GNG2: variants seen among roughly 807,000 people sequenced by gnomAD.
GNG2 encodes G protein subunit gamma 2.
In GNG2, 5 loss-of-function variants were observed where a neutral mutation model predicts 5.5. The observed-to-expected ratio is 0.91, with a 90% CI of 0.48 to 1.92. GNG2 has a LOEUF of 1.92. GNG2 is among the 30% of genes most tolerant of loss of function. The pLI, the probability that GNG2 is intolerant of heterozygous loss-of-function variation, is 0.01. For synonymous variants in GNG2, 28 were observed against 32.0 expected, an observed-to-expected ratio of 0.88 and a Z score of 0.42; for missense variants, 55 against 88.4, an observed-to-expected ratio of 0.62 and a Z score of 1.52.
At chr14:51,933,022 C>T (rs1469110136) in intron 2 of GNG2, among the ~76,000 whole-genome samples, 1 of 152,136 alleles carries the variant, frequency 6.6e-6, no homozygotes, top group African/African-American at 2.4e-5. Context: ...GGCCAGAAGT[C>T]AAAGAATGCC....
chr14:51,919,402 C>T (rs1471156756), intron 2 of GNG2, among the ~76,000 whole-genome samples: 1 of 152,196 alleles, frequency 6.6e-6, no homozygotes, highest in Non-Finnish European at 1.5e-5. Context: ...TTAAACATAG[C>T]TCTTTACATA....
rs147812952 is a variant in GNG2, at chr14:51,902,556, G to A, written c.-30+24899G>A. 4.5e-4 allele frequency among the ~76,000 whole-genome samples: 69 copies of A among 152,112 alleles called. 2 individuals are homozygous for A. The Middle Eastern group carries it at 0.02, about 45-fold the overall frequency. On this transcript the variant is annotated intron_variant, in intron 2 of 3. Coordinates refer to ENST00000556766, the MANE Select transcript of GNG2 (RefSeq NM_053064.5). ...CACCAGTAATTAAGTAAATGCAAAC[G>A]AAAACAAAAATGAGATATAGTCATA...
intron 3 of GNG2, among the ~76,000 whole-genome samples, chr14:51,958,018 A>C (rs1239206384): frequency 6.6e-6 from 1 of 152,198 alleles, no homozygotes; most frequent in Non-Finnish European, 1.5e-5. Context: ...AGATTTCTCC[A>C]CACAAACCTA....
chr14:51,944,478 A>G (rs529608264), intron 2 of GNG2, among the ~76,000 whole-genome samples: 4 of 152,162 alleles, frequency 2.6e-5, no homozygotes, highest in Non-Finnish European at 4.4e-5. Context: ...ACCTCCAAAT[A>G]CCATTATATT....
At chr14:51,908,613 A>C (rs961251933) in intron 2 of GNG2, among the ~76,000 whole-genome samples, 1 of 152,026 alleles carries the variant, frequency 6.6e-6, no homozygotes, top group African/African-American at 2.4e-5. Flanking sequence ...TCTGTCACCC[A>C]GGCTGGAGGG....
At chr14:51,952,066 G>A (rs961150399) in intron 3 of GNG2, 4 of 604,164 alleles carry the variant, frequency 6.6e-6, no homozygotes, top group Admixed American at 6.0e-5. Context: ...AGTTCATTCC[G>A]ATGTATAGCC....
At chr14:51,904,897 GCC>G (rs1351716779) in intron 2 of GNG2, among the ~76,000 whole-genome samples, 3 of 152,226 alleles carry the variant, frequency 2.0e-5, no homozygotes, top group Non-Finnish European at 4.4e-5. Context: ...CGCTACGTCT[GCC>G]TGATTGCCCA....
intron 2 of GNG2, among the ~76,000 whole-genome samples, chr14:51,904,240 A>G (rs1406399184): frequency 6.6e-6 from 1 of 152,156 alleles, no homozygotes; most frequent in Non-Finnish European, 1.5e-5. Flanking sequence ...AGTAGCTGCC[A>G]TCACACCCAC....
chr14:51,896,307 A>G (rs1885189899), intron 2 of GNG2, among the ~76,000 whole-genome samples: 1 of 152,224 alleles, frequency 6.6e-6, no homozygotes, highest in African/African-American at 2.4e-5. Flanking sequence ...TTTATAACAC[A>G]TTATTTCATT....
chr14:51,845,005 G>A (rs553805412), intron 2 of GNG2, among the ~76,000 whole-genome samples: 57 of 151,870 alleles, frequency 3.8e-4, no homozygotes, highest in East Asian at 3.3e-3. Context: ...GATTACAGGC[G>A]TTAGCCACCA....
chr14:51,881,697 A>G (rs1427823228), intron 2 of GNG2, among the ~76,000 whole-genome samples: 3 of 138,642 alleles, frequency 2.2e-5, no homozygotes, highest in Non-Finnish European at 4.6e-5. Flanking sequence ...TAGGAGCTGG[A>G]AGACTTTTTT....
At chr14:51,875,840 C>A (rs1165129330) in intron 1 of GNG2, among the ~76,000 whole-genome samples, 1 of 150,740 alleles carries the variant, frequency 6.6e-6, no homozygotes, top group African/African-American at 2.4e-5. Flanking sequence ...AATAAAATAA[C>A]CTTATTTTAA....
chr14:51,856,007 T>C (rs184069316), upstream of GNG2, among the ~76,000 whole-genome samples: 9 of 152,118 alleles, frequency 5.9e-5, no homozygotes, highest in African/African-American at 2.2e-4. Flanking sequence ...ATGCCATCTG[T>C]ACAAAAAATA....
chr14:51,928,301 A>G (rs1247599300), intron 2 of GNG2, among the ~76,000 whole-genome samples: 1 of 152,046 alleles, frequency 6.6e-6, no homozygotes, highest in Non-Finnish European at 1.5e-5. Context: ...AGTGCTGGAA[A>G]TTACAGGCGC....
chr14:51,953,008 C>A (rs560408987), intron 3 of GNG2, among the ~76,000 whole-genome samples: 6 of 152,242 alleles, frequency 3.9e-5, no homozygotes, highest in African/African-American at 1.4e-4. Context: ...TTTCTGCATG[C>A]CATATAGAAC....
Position 51,956,083 on chromosome 14 carries a change from A to G in GNG2, c.87+5318A>G, listed in dbSNP as rs542032318. 9.8e-5 allele frequency among the ~76,000 whole-genome samples: 15 copies of G among 152,318 alleles called. No homozygotes were observed. The East Asian group carries it at 2.3e-3, about 23-fold the overall frequency. ...CCCTTCCCTAAAATGCTTGTGTTCA[A>G]TTTTATTAGGAAAAATGGAATACAA... is the stretch of plus-strand genomic sequence containing the variant. On this transcript the variant is annotated intron_variant, in intron 3 of 3. Coordinates refer to ENST00000556766, the MANE Select transcript of GNG2 (RefSeq NM_053064.5).
chr14:51,849,262 A>G (rs758296432), intron 2 of GNG2, among the ~76,000 whole-genome samples: 6 of 152,220 alleles, frequency 3.9e-5, no homozygotes, highest in Admixed American at 6.5e-5. Context: ...TGACCTCACA[A>G]CATGGCACCT....
At chr14:51,914,764 T>C (rs1886511444) in intron 2 of GNG2, among the ~76,000 whole-genome samples, 1 of 152,202 alleles carries the variant, frequency 6.6e-6, no homozygotes, top group Non-Finnish European at 1.5e-5. Flanking sequence ...TGAAGAGTTC[T>C]TTATGTTTTT....
upstream of GNG2, among the ~76,000 whole-genome samples, chr14:51,858,495 A>ATATAGGCTTAAATATAAATACCAG (rs1882266815): frequency 1.3e-5 from 2 of 151,942 alleles, no homozygotes. Flanking sequence ...ATAAATACCA[A>ATATAGGCTTAAATATAAATACCAG]CCTATATAGG....
Sources: allele counts gnomAD v4.1 joint callset (sites outside exome capture counted in the v4.1 genomes callset), GRCh38; gene constraint gnomAD v4.1.1; transcripts MANE v1.5; gene names NCBI Gene and HGNC (gene_info 2026-07-23, HGNC 2026-07-21).